Variants in ATP6V1B2 observed in about 807,000 individuals in gnomAD.
ATP6V1B2 encodes V-type proton ATPase subunit B, brain isoform.
ATP6V1B2 carries 23 observed loss-of-function variants against 66.7 expected under a neutral mutation model. The observed-to-expected ratio is 0.34, with a 90% CI of 0.25 to 0.49. The LOEUF (loss-of-function observed/expected upper bound fraction) is 0.49. ATP6V1B2 is among the 20% of genes least tolerant of loss of function. The pLI, the probability that ATP6V1B2 is intolerant of heterozygous loss-of-function variation, is 0.99. For missense variants in ATP6V1B2, 478 were observed against 650.8 expected (o/e 0.73, Z 2.89); for synonymous variants, 278 against 236.7 (o/e 1.17, Z -1.60).
At position 20,210,587 on chromosome 8, in the gene ATP6V1B2, C is replaced by T. The variant is rs1321960568; in HGVS notation, c.404C>T (p.Ser135Leu). 7 of 1,613,572 alleles carry T rather than the reference C, an allele frequency of 4.3e-6. No individual in the cohort carries two copies. Among genetic ancestry groups the T allele is most frequent in the East Asian group, 2.2e-5 (1 of 44,864 alleles). The change falls in exon 5 of 14, where the codon TCG becomes TTG. Residue 135 changes from serine (S) to leucine (L), a missense_variant. Physicochemically the swap from Ser to Leu is moderately radical, Grantham distance 145. This residue lies in a region of ATP6V1B2 where 326 missense variants were observed against 545.6 expected (regional missense o/e 0.60). Coordinates refer to ENST00000276390, the MANE Select transcript of ATP6V1B2 (RefSeq NM_001693.4). ...TTTCTAGGTCGGGTATTCAATGGAT[C>T]GGGAAAACCCATTGACAGAGGTCCT... Reference protein sequence around the residue: ...EDMLGRVFNGSGKPIDRGPVV... With the variant: ...EDMLGRVFNGLGKPIDRGPVV...
intron 2 of ATP6V1B2, among the ~76,000 whole-genome samples, chr8:20,205,052 G>A (rs901883708): frequency 5.3e-5 from 8 of 152,172 alleles, no homozygotes; most frequent in Non-Finnish European, 7.3e-5. Flanking sequence ...AGTTTGATAT[G>A]TGCTGCAGAT....
rs2072865577 is a variant in ATP6V1B2 at position 20,217,310 on chromosome 8, G to C, written c.1252G>C (p.Val418Leu). 6.2e-7 allele frequency: 1 copy of C among 1,610,174 alleles called. No homozygotes were observed. Among genetic ancestry groups the C allele is most frequent in the South Asian group, 1.1e-5 (1 of 90,996 alleles). The stretch of plus-strand genomic sequence containing the variant: ...GATGACCAGGAAGGATCATGCCGAT[G>C]TATCTAACCAGCTAGTATGTACATT... The part of the protein sequence containing the change: ...EGMTRKDHAD[V>L]SNQLYACYAI... The change falls in exon 12 of 14, where the codon GTA becomes CTA. Residue 418 changes from valine to leucine, a missense_variant. By Grantham distance (32) the Val-to-Leu change is conservative. This residue lies in a region of ATP6V1B2 where 326 missense variants were observed against 545.6 expected (regional missense o/e 0.60). Transcript: ENST00000276390.
intron 12 of ATP6V1B2, 130 bp downstream of exon 12, chr8:20,217,454 G>A (rs1038620624): frequency 1.6e-5 from 12 of 761,360 alleles, no homozygotes; most frequent in Non-Finnish European, 2.2e-5. Context: ...GGCTTGATGT[G>A]GAATACATAA....
rs1337156741 is a variant in ATP6V1B2, at chr8:20,220,602, T to A, written c.*200T>A. ...ACCTTAAAATATCCCCCTACCTGGG[T>A]CCTCAGTGCTATGTTTAAAGTGCTG... On this transcript the variant is annotated 3_prime_UTR_variant, in exon 14 of 14. Transcript: ENST00000276390. 1.4e-6 allele frequency: 1 copy of A among 690,580 alleles called. No individual in the cohort carries two copies. The highest frequency in any genetic ancestry group is 2.2e-6 in the Non-Finnish European group (1 of 460,844). The allele number at this position is 690,580 out of a possible 1,614,324, so 42.8% of individuals were successfully genotyped here.
At chr8:20,211,836 T>C in intron 7 of ATP6V1B2, 83 bp downstream of exon 7, 2 of 1,156,602 alleles carry the variant, frequency 1.7e-6, no homozygotes, top group South Asian at 3.0e-5. Flanking sequence ...ACATATATAG[T>C]TGAATTTTTC....
intron 10 of ATP6V1B2, 84 bp from the exon 11 acceptor site, chr8:20,216,329 G>C: frequency 8.2e-7 from 1 of 1,224,328 alleles, no homozygotes; most frequent in Non-Finnish European, 1.2e-6. Flanking sequence ...GGGACTTTTT[G>C]TGGGTTTGGT....
rs2072709005 is a variant in ATP6V1B2, at chr8:20,203,684, T to C, written c.137-800T>C. ...AATTACTCTCCCCTGAGTGTTCTTATACCTGATCCCCATTTCACTTGCCAT... is the reference window on the plus strand; with the variant it reads ...AATTACTCTCCCCTGAGTGTTCTTACACCTGATCCCCATTTCACTTGCCAT... On this transcript the variant is annotated intron_variant, in intron 1 of 13. Coordinates refer to ENST00000276390, the MANE Select transcript of ATP6V1B2 (RefSeq NM_001693.4). Among the ~76,000 whole-genome samples, 3 of 152,242 alleles carry C rather than the reference T, an allele frequency of 2.0e-5. No individual in the cohort carries two copies. The South Asian group carries it at 6.2e-4, about 31-fold the overall frequency.
At chr8:20,216,088 A>G (rs1294069948) in intron 10 of ATP6V1B2, 1 of 173,612 alleles carries the variant, frequency 5.8e-6, no homozygotes, top group African/African-American at 2.4e-5. Flanking sequence ...TGCTGCAACC[A>G]AACTAAACTG....
chr8:20,202,096 T>A (rs1003622993), intron 1 of ATP6V1B2, among the ~76,000 whole-genome samples: 1 of 152,182 alleles, frequency 6.6e-6, no homozygotes. Context: ...GGGGATGAAG[T>A]TTATTGCCTG....
At chr8:20,204,958 A>C (rs952266485) in intron 2 of ATP6V1B2, among the ~76,000 whole-genome samples, 10 of 152,150 alleles carry the variant, frequency 6.6e-5, no homozygotes, top group African/African-American at 2.4e-4. Flanking sequence ...CTGCTTTATC[A>C]CTAAGGTAAT....
chr8:20,210,221 T>C (rs1019129758), intron 3 of ATP6V1B2, 125 bp from the exon 4 acceptor site: 93 of 749,642 alleles, frequency 1.2e-4, no homozygotes, highest in Non-Finnish European at 1.8e-4. Context: ...TCTTTGCTCA[T>C]TATATCAAAA....
At chr8:20,211,840 AT>A (rs137894692) in intron 7 of ATP6V1B2, 87 bp downstream of exon 7, 4 of 1,117,208 alleles carry the variant, frequency 3.6e-6, no homozygotes, top group Non-Finnish European at 5.1e-6. Flanking sequence ...ATATAGTTGA[AT>A]TTTTCTTTAG....
chr8:20,198,457 A>G (rs2072650968), intron 1 of ATP6V1B2, among the ~76,000 whole-genome samples: 1 of 152,266 alleles, frequency 6.6e-6, no homozygotes, highest in Non-Finnish European at 1.5e-5. Context: ...TGGATAGCTC[A>G]GCAATTCCAA....
intron 1 of ATP6V1B2, among the ~76,000 whole-genome samples, chr8:20,199,337 T>C (rs1213755309): frequency 6.6e-6 from 1 of 152,210 alleles, no homozygotes; most frequent in African/African-American, 2.4e-5. Context: ...TGTCTTGTAA[T>C]TGTGTAACTT....
chr8:20,212,298 C>T (rs766624824), intron 8 of ATP6V1B2, 99 bp downstream of exon 8: 5 of 1,115,600 alleles, frequency 4.5e-6, no homozygotes, highest in Middle Eastern at 2.0e-4. Flanking sequence ...GCATTTGGAC[C>T]TAACAATGAG....
At chr8:20,204,654 T>A in intron 2 of ATP6V1B2, 115 bp downstream of exon 2, 6 of 828,090 alleles carry the variant, frequency 7.2e-6, no homozygotes, top group South Asian at 3.9e-5. Flanking sequence ...AGACTGGGTG[T>A]CAGTCAGTCT....
intron 1 of ATP6V1B2, among the ~76,000 whole-genome samples, chr8:20,201,035 C>T (rs114193043): frequency 0.013 from 1,915 of 152,284 alleles, 55 homozygotes; most frequent in African/African-American, 0.044. Context: ...AGGATGTCAT[C>T]TGATAAAATA....
In ATP6V1B2 at chr8:20,209,904, A is replaced by G. The variant is rs546104625; in HGVS notation, c.291+373A>G. 2.6e-5 allele frequency among the ~76,000 whole-genome samples: 4 copies of G among 152,090 alleles called. No homozygotes were observed. The East Asian group carries it at 7.7e-4, about 29-fold the overall frequency. On this transcript the variant is annotated intron_variant, in intron 3 of 13. Coordinates refer to ENST00000276390, the MANE Select transcript of ATP6V1B2 (RefSeq NM_001693.4). ...TCACTATGGGTAATGGCAATTTTCT[A>G]AAATAACATGTTCCCCTTAAAAATA... is the stretch of plus-strand genomic sequence containing the variant.
intron 9 of ATP6V1B2, 115 bp downstream of exon 9, chr8:20,213,020 T>A: frequency 7.3e-7 from 1 of 1,362,268 alleles, no homozygotes; most frequent in Non-Finnish European, 1.0e-6. Flanking sequence ...GTTCATATAT[T>A]AATAGAATGC....
Sources: gnomAD v4.1 joint callset for allele counts (sites outside exome capture counted in the v4.1 genomes callset) on GRCh38, gnomAD v4.1.1 for gene constraint, gnomAD v4.1.1 regional missense constraint, MANE v1.5 for transcripts, NCBI Gene and HGNC (gene_info 2026-07-23, HGNC 2026-07-21) for gene names.